Variants in TBC1D8 observed in about 807,000 individuals in gnomAD.
The protein encoded by TBC1D8 is BUB2-like protein 1.
A neutral mutation model predicts 118.8 loss-of-function variants in TBC1D8; 65 were observed. The ratio of observed to expected loss-of-function variants is 0.55; its 90% CI spans 0.45 to 0.67. The LOEUF is 0.67. Among genes scored for constraint, TBC1D8 ranks in the 30% least tolerant of loss-of-function variants. TBC1D8 has a pLI of 0.00. For synonymous variants in TBC1D8, 566 were observed against 595.8 expected (o/e 0.95, Z 0.73); for missense variants, 1,376 against 1,471.2 (o/e 0.94, Z 1.06).
At chr2:101,068,888 T>G (rs998645061) in intron 2 of TBC1D8, among the ~76,000 whole-genome samples, 1 of 150,796 alleles carries the variant, frequency 6.6e-6, no homozygotes, top group African/African-American at 2.4e-5. Context: ...TAATCCCAGA[T>G]ACTCAGGAGG....
At chr2:101,099,533 C>T (rs1303996963) in intron 1 of TBC1D8, among the ~76,000 whole-genome samples, 2 of 152,158 alleles carry the variant, frequency 1.3e-5, no homozygotes, top group Non-Finnish European at 2.9e-5. Context: ...ATCCTGATAC[C>T]AAAACCAGGA....
chr2:101,032,124 C>T, intron 11 of TBC1D8, 144 bp downstream of exon 11: 1 of 734,354 alleles, frequency 1.4e-6, no homozygotes. Flanking sequence ...GTTAGTTTTG[C>T]AAATTCAGGA....
rs1338157735 is a variant in TBC1D8 at position 101,028,384 on chromosome 2, GC to G, written c.2270del (p.Gly757AlafsTer16). The G allele has an allele frequency of 9.3e-6, 15 of 1,610,142 alleles. No individual in the cohort carries two copies. The highest frequency in any genetic ancestry group is 1.3e-5 in the Non-Finnish European group (15 of 1,178,198). ...CGTCGGAGAAAAAGGCATGGTGGCT[GC>G]CAACTGGGGGCCCTGGGCTGTCCTC... ...KNEDSPGPPV[G>X]SHHAFFSDDQ... On this transcript the variant is annotated frameshift_variant, in exon 13 of 20. Coordinates refer to ENST00000409318, the MANE Select transcript of TBC1D8 (RefSeq NM_001330348.2). LOFTEE classifies it high-confidence loss of function.
At chr2:101,037,770 CG>C (rs1681115962) in intron 7 of TBC1D8, 62 bp from the exon 8 acceptor site, 4 of 1,596,248 alleles carry the variant, frequency 2.5e-6, no homozygotes, top group African/African-American at 1.3e-5. Flanking sequence ...TGGCTTTAGT[CG>C]AGGGGACAGT....
intron 1 of TBC1D8, among the ~76,000 whole-genome samples, chr2:101,102,176 G>A (rs565762121): frequency 7.9e-5 from 12 of 152,260 alleles, no homozygotes; most frequent in East Asian, 1.9e-4. Flanking sequence ...TTCAAGGGCC[G>A]GGTGCAGTGG....
chr2:101,086,674 T>C (rs943385954), intron 2 of TBC1D8, among the ~76,000 whole-genome samples: 5 of 152,130 alleles, frequency 3.3e-5, no homozygotes, highest in African/African-American at 1.2e-4. Flanking sequence ...GGATGTCCAA[T>C]CTTTTGGCTT....
chr2:101,103,871 G>T (rs1049036383), intron 1 of TBC1D8, among the ~76,000 whole-genome samples: 2 of 151,694 alleles, frequency 1.3e-5, no homozygotes, highest in African/African-American at 4.8e-5. Flanking sequence ...GAAAATAAAA[G>T]ATATATATAT....
At chr2:101,131,286 G>A (rs888804524) in intron 1 of TBC1D8, among the ~76,000 whole-genome samples, 3 of 150,418 alleles carry the variant, frequency 2.0e-5, no homozygotes, top group Non-Finnish European at 3.0e-5. Context: ...GCAAAGGCGG[G>A]TGGATCACCT....
intron 2 of TBC1D8, among the ~76,000 whole-genome samples, chr2:101,089,694 G>A (rs962408028): frequency 6.6e-6 from 1 of 152,010 alleles, no homozygotes; most frequent in African/African-American, 2.4e-5. Context: ...CTGCCCACAT[G>A]ATCACAATAG....
intron 2 of TBC1D8, among the ~76,000 whole-genome samples, chr2:101,073,080 G>T (rs1232602834): frequency 6.6e-6 from 1 of 151,954 alleles, no homozygotes; most frequent in Non-Finnish European, 1.5e-5. Flanking sequence ...AGTTCTTAAG[G>T]GCCCTAGGAT....
chr2:101,018,874 T>C, intron 17 of TBC1D8: 1 of 1,242,562 alleles, frequency 8.0e-7, no homozygotes, highest in Non-Finnish European at 1.1e-6. Context: ...CTAAGCAAAA[T>C]GGCCAATATC....
intron 12 of TBC1D8, 26 bp from the exon 13 acceptor site, chr2:101,028,458 C>G (rs1331616890): frequency 6.5e-7 from 1 of 1,529,512 alleles, no homozygotes; most frequent in Admixed American, 2.1e-5. Context: ...CGTCAACGCC[C>G]AAGTCCATCC....
intron 5 of TBC1D8, among the ~76,000 whole-genome samples, chr2:101,048,092 G>A (rs1681821601): frequency 2.0e-5 from 3 of 152,254 alleles, no homozygotes; most frequent in Admixed American, 6.5e-5. Context: ...GCACTCACAC[G>A]CCCATGTGCC....
rs1681055511 is a variant in TBC1D8, at chr2:101,037,087, A to C, written c.1452+445T>G. On this transcript the variant is annotated intron_variant, in intron 8 of 19. Transcript: ENST00000409318. ...CAGACTATACGTGACATTTCCCTCA[A>C]GTTCTCCCTACAAAGAGGAAATCTG... Among the ~76,000 whole-genome samples, 9 of 152,358 alleles carry C rather than the reference A, an allele frequency of 5.9e-5. 1 individual carries two copies. In the South Asian group the frequency reaches 1.9e-3, roughly 32 times the overall value.
chr2:101,048,060 C>T (rs1411255152), intron 5 of TBC1D8, among the ~76,000 whole-genome samples: 5 of 152,158 alleles, frequency 3.3e-5, no homozygotes, highest in Admixed American at 6.5e-5. Context: ...AGCAGGCCTC[C>T]GACTCCTGCA....
chr2:101,050,498 T>C lies in TBC1D8; in HGVS notation c.775A>G (p.Met259Val). The C allele has an allele frequency of 1.9e-6, 3 of 1,613,968 alleles. No homozygotes were observed. The highest frequency in any genetic ancestry group is 2.5e-6 in the Non-Finnish European group (3 of 1,179,864). ...FLNLDEVFKV[M>V]EQLADVTLRR... The stretch of plus-strand genomic sequence containing the variant: ...AGCGTCACGTCGGCCAGCTGCTCCA[T>C]GACCTTAAACACCTCATCCAGGTTC... Residue 259 changes from methionine to valine, a missense_variant, in exon 5 of 20, where the codon ATG becomes GTG. Met to Val is a conservative substitution (Grantham distance 21). Coordinates refer to ENST00000409318, the MANE Select transcript of TBC1D8 (RefSeq NM_001330348.2).
chr2:101,111,576 T>C (rs1677589547), intron 1 of TBC1D8, among the ~76,000 whole-genome samples: 1 of 152,082 alleles, frequency 6.6e-6, no homozygotes, highest in Non-Finnish European at 1.5e-5. Context: ...CCCAGATACA[T>C]GGGAATGATG....
chr2:101,151,165 C>G lies in TBC1D8; in HGVS notation c.89G>C (p.Arg30Pro). ...GCCCCCCTCGCCGTGCCCGCGGCGC[C>G]GCTGCAGGATGAAGTAGCAGCTGCT... ...QKSSCYFILQ[R>P]RRGHGEGGGR... The change falls in exon 1 of 20, where the codon CGG (arginine) becomes CCG (proline). Residue 30 changes from arginine to proline, a missense_variant. Arg to Pro is a moderately radical substitution (Grantham distance 103, BLOSUM62 -2). Transcript: ENST00000409318. 2 of 1,227,134 alleles carry G rather than the reference C, an allele frequency of 1.6e-6. No individual in the cohort carries two copies. Among genetic ancestry groups the G allele is most frequent in the Non-Finnish European group, 2.1e-6 (2 of 958,074 alleles). 76.0% of individuals were successfully genotyped at this position (1,227,134 alleles called of 1,614,324 possible).
At chr2:101,070,352 A>G (rs968721391) in intron 2 of TBC1D8, among the ~76,000 whole-genome samples, 4 of 151,514 alleles carry the variant, frequency 2.6e-5, no homozygotes, top group South Asian at 2.1e-4. Context: ...AAATACTATT[A>G]AATATCTTGT....
Sources: gnomAD v4.1 joint callset for allele counts (sites outside exome capture counted in the v4.1 genomes callset) on GRCh38, gnomAD v4.1.1 for gene constraint, MANE v1.5 for transcripts, NCBI Gene and HGNC (gene_info 2026-07-23, HGNC 2026-07-21) for gene names.